PCNX1: variants seen among roughly 807,000 people sequenced by gnomAD.
PCNX1 encodes pecanex 1.
PCNX1 carries 78 observed loss-of-function variants against 242.2 expected under a neutral mutation model. That is an observed-to-expected ratio of 0.32 (90% CI 0.27 to 0.39). The LOEUF (loss-of-function observed/expected upper bound fraction) is 0.39. PCNX1 is among the 10% of genes least tolerant of loss of function. The pLI, the probability that PCNX1 is intolerant of heterozygous loss-of-function variation, is 1.00. For synonymous variants in PCNX1, 1,024 were observed against 1,032.9 expected, an observed-to-expected ratio of 0.99 and a Z score of 0.17; for missense variants, 2,581 against 2,856.5, an observed-to-expected ratio of 0.90 and a Z score of 2.20.
At chr14:71,076,162 C>CTTTTTTTTTTTTTTT in intron 27 of PCNX1, 27 bp from the exon 28 acceptor site, 4 of 1,167,476 alleles carry the variant, frequency 3.4e-6, no homozygotes, top group Admixed American at 2.0e-5. Flanking sequence ...AATCTGAATT[C>CTTTTTTTTTTTTTTT]TTTTTTTTTT....
At chr14:70,979,100 C>T (rs1364253637) in intron 6 of PCNX1, among the ~76,000 whole-genome samples, 3 of 152,094 alleles carry the variant, frequency 2.0e-5, no homozygotes, top group Non-Finnish European at 4.4e-5. Context: ...ACAAATATTA[C>T]TTTAGATCTG....
chr14:70,949,495 G>A (rs2057691996), intron 2 of PCNX1, among the ~76,000 whole-genome samples: 1 of 151,432 alleles, frequency 6.6e-6, no homozygotes, highest in African/African-American at 2.4e-5. Flanking sequence ...CACACCTTAA[G>A]CAAATTGTGA....
chr14:70,957,958 A>T (rs953962383), intron 2 of PCNX1, among the ~76,000 whole-genome samples: 3 of 152,112 alleles, frequency 2.0e-5, no homozygotes, highest in Admixed American at 2.0e-4. Context: ...CACTTAGAGG[A>T]TGCATTCTAG....
intron 1 of PCNX1, among the ~76,000 whole-genome samples, chr14:70,912,573 A>G (rs1179550053): frequency 2.0e-5 from 3 of 146,342 alleles, no homozygotes; most frequent in African/African-American, 7.6e-5. Context: ...GTTTTTCCTC[A>G]CTCTGTCATG....
intron 16 of PCNX1, among the ~76,000 whole-genome samples, chr14:71,032,306 C>T (rs2060410628): frequency 6.6e-6 from 1 of 152,210 alleles, no homozygotes; most frequent in Non-Finnish European, 1.5e-5. Context: ...TTCTCAAGCT[C>T]TTAAGATATT....
At chr14:70,913,833 A>G (rs1231650410) in intron 1 of PCNX1, among the ~76,000 whole-genome samples, 1 of 152,216 alleles carries the variant, frequency 6.6e-6, no homozygotes, top group East Asian at 1.9e-4. Flanking sequence ...TGTGCTATAA[A>G]TTAGCAATTT....
At chr14:71,016,030 A>G (rs2059954860) in intron 11 of PCNX1, among the ~76,000 whole-genome samples, 1 of 152,236 alleles carries the variant, frequency 6.6e-6, no homozygotes, top group Non-Finnish European at 1.5e-5. Flanking sequence ...TTCTACCAAA[A>G]TAAAATAAAA....
chr14:71,098,309 G>A (rs2062354468), intron 30 of PCNX1, among the ~76,000 whole-genome samples: 1 of 151,916 alleles, frequency 6.6e-6, no homozygotes, highest in Non-Finnish European at 1.5e-5. Context: ...TTCTAATTCT[G>A]TGAAAAAATA....
In PCNX1 at chr14:71,016,634, G is replaced by A. The variant is rs368147212; in HGVS notation, c.2997-2375G>A. Among the ~76,000 whole-genome samples the A allele has an allele frequency of 4.3e-4, 65 of 152,220 alleles. 4 individuals are homozygous for A. The South Asian group carries it at 0.013, about 31-fold the overall frequency. On this transcript the variant is annotated intron_variant, in intron 11 of 35. Coordinates refer to ENST00000304743, the MANE Select transcript of PCNX1 (RefSeq NM_014982.3). ...AACTAAACACTTCTAAATAACCCAT[G>A]GATTAGAGAAGATGTCAAGAGAGAA... is the stretch of plus-strand genomic sequence containing the variant.
chr14:70,930,780 T>G (rs1171678590), intron 1 of PCNX1, among the ~76,000 whole-genome samples: 7 of 152,062 alleles, frequency 4.6e-5, no homozygotes, highest in Non-Finnish European at 8.8e-5. Flanking sequence ...TATTATGTTT[T>G]TTTTTTTCCT....
chr14:70,921,102 ATTAT>A lies in PCNX1; in HGVS notation c.153+13104_153+13107del, dbSNP rs1464961840. Among the ~76,000 whole-genome samples, 8 of 152,198 alleles carry A rather than the reference ATTAT, an allele frequency of 5.3e-5. No individual in the cohort carries two copies. The East Asian group carries it at 1.2e-3, about 22-fold the overall frequency. Reference sequence around the variant, plus strand: ...GAGTTATTTTTTAGCTTCTGAGAATATTATTTATAACATTCTTGGTATGTATCTG... The same window carrying A: ...GAGTTATTTTTTAGCTTCTGAGAATATTATAACATTCTTGGTATGTATCTG... On this transcript the variant is annotated intron_variant, in intron 1 of 35. Coordinates refer to ENST00000304743, the MANE Select transcript of PCNX1 (RefSeq NM_014982.3).
intron 8 of PCNX1, among the ~76,000 whole-genome samples, chr14:71,005,377 G>C (rs767068634): frequency 2.6e-5 from 4 of 151,976 alleles, no homozygotes; most frequent in African/African-American, 9.7e-5. Context: ...GCACTGTGGC[G>C]TGTGCCTGCA....
chr14:71,054,900 C>T (rs907451188), intron 24 of PCNX1, among the ~76,000 whole-genome samples: 1 of 152,130 alleles, frequency 6.6e-6, no homozygotes, highest in Non-Finnish European at 1.5e-5. Flanking sequence ...AGTGTGGCAG[C>T]GAAGGGTAGA....
chr14:70,940,246 A>G (rs952292393), intron 1 of PCNX1, among the ~76,000 whole-genome samples: 2 of 152,126 alleles, frequency 1.3e-5, no homozygotes, highest in African/African-American at 2.4e-5. Context: ...ACAATTTGGC[A>G]TGTTTTTGCA....
chr14:70,933,725 A>T (rs2056890855), intron 1 of PCNX1, among the ~76,000 whole-genome samples: 1 of 152,196 alleles, frequency 6.6e-6, no homozygotes, highest in South Asian at 2.1e-4. Context: ...TGAGAAGAAT[A>T]ATAGAGCCAT....
chr14:71,083,107 A>G (rs1176668820), intron 28 of PCNX1, among the ~76,000 whole-genome samples: 1 of 152,172 alleles, frequency 6.6e-6, no homozygotes, highest in African/African-American at 2.4e-5. Context: ...TCCTTAGCTT[A>G]TGAAGCTTAG....
chr14:70,928,889 G>T (rs903912772), intron 1 of PCNX1, among the ~76,000 whole-genome samples: 4 of 152,070 alleles, frequency 2.6e-5, no homozygotes, highest in African/African-American at 9.7e-5. Context: ...TTTTAAAACC[G>T]TTACACTTTT....
Position 71,111,401 on chromosome 14 carries a change from G to T in PCNX1, c.*1466G>T, listed in dbSNP as rs1007354343. 3 of 152,552 alleles carry T rather than the reference G, an allele frequency of 2.0e-5. No individual in the cohort carries two copies. Among genetic ancestry groups the T allele is most frequent in the African/African-American group, 7.2e-5 (3 of 41,428 alleles). The allele number at this position is 152,552 out of a possible 1,614,324, so 9.4% of individuals were successfully genotyped here. ...ACCCCTTGTGAATAAATCATTGAAAGAAACAGGTAAAATTAATTTTAATGA... is the reference window on the plus strand; with the variant it reads ...ACCCCTTGTGAATAAATCATTGAAATAAACAGGTAAAATTAATTTTAATGA... On this transcript the variant is annotated 3_prime_UTR_variant, in exon 36 of 36. Transcript: ENST00000304743.
chr14:70,978,256 A>C lies in PCNX1; in HGVS notation c.1919A>C (p.Tyr640Ser). Residue 640 changes from tyrosine to serine, a missense_variant, in exon 6 of 36, where the codon TAC (tyrosine) becomes TCC (serine). Tyr to Ser is a moderately radical substitution (Grantham distance 144, BLOSUM62 -2). Coordinates refer to ENST00000304743, the MANE Select transcript of PCNX1 (RefSeq NM_014982.3). ...SHSCQSPEGR[Y>S]SALKTKHTHK... is the part of the protein sequence containing the mutation. Reference sequence around the variant, plus strand: ...TCCTGTCAGTCTCCTGAGGGCAGATACAGTGCTCTAAAGACCAAACACACT... The same window carrying C: ...TCCTGTCAGTCTCCTGAGGGCAGATCCAGTGCTCTAAAGACCAAACACACT... 6.2e-7 allele frequency: 1 copy of C among 1,614,136 alleles called. No individual in the cohort carries two copies. The highest frequency in any genetic ancestry group is 8.5e-7 in the Non-Finnish European group (1 of 1,180,008).
Sources: gnomAD v4.1 joint callset for allele counts (sites outside exome capture counted in the v4.1 genomes callset) on GRCh38, gnomAD v4.1.1 for gene constraint, MANE v1.5 for transcripts, NCBI Gene and HGNC (gene_info 2026-07-23, HGNC 2026-07-21) for gene names.